Variants in ZNF777 observed in about 807,000 individuals in gnomAD.
ZNF777 encodes the protein zinc finger protein 777.
In ZNF777, 7 loss-of-function variants were observed where a neutral mutation model predicts 72.1. The observed-to-expected ratio is 0.10, with a 90% CI of 0.06 to 0.18. The LOEUF (loss-of-function observed/expected upper bound fraction) is 0.18. Among genes scored for constraint, ZNF777 ranks in the 10% least tolerant of loss-of-function variants. The pLI is 1.00. For missense variants in ZNF777, 828 were observed against 1,128.6 expected (o/e 0.73, Z 3.82); for synonymous variants, 545 against 483.5 (o/e 1.13, Z -1.67).
At chr7:149,456,108 A>G (rs1311117161) in intron 1 of ZNF777, 71 bp from the exon 2 acceptor site, 65 of 1,477,936 alleles carry the variant, frequency 4.4e-5, no homozygotes, top group Middle Eastern at 5.0e-4. Flanking sequence ...AAACCCAAAG[A>G]CAAGTATACA....
intron 4 of ZNF777, among the ~76,000 whole-genome samples, chr7:149,441,177 T>C (rs111470167): frequency 0.037 from 5,665 of 152,316 alleles, 259 homozygotes; most frequent in African/African-American, 0.099. Context: ...GCTGCATTCA[T>C]TTATAAGCAG....
intron 4 of ZNF777, among the ~76,000 whole-genome samples, chr7:149,440,976 G>A (rs977965339): frequency 7.9e-5 from 12 of 152,106 alleles, no homozygotes; most frequent in African/African-American, 2.9e-4. Context: ...ACGTAGCTGT[G>A]CTCCTCCCTG....
intron 3 of ZNF777, among the ~76,000 whole-genome samples, chr7:149,451,925 T>C (rs904157055): frequency 6.6e-6 from 1 of 152,162 alleles, no homozygotes; most frequent in African/African-American, 2.4e-5. Context: ...AAGCTATAAA[T>C]AGGTAATTCA....
intron 4 of ZNF777, among the ~76,000 whole-genome samples, chr7:149,438,027 C>T (rs1799447938): frequency 6.6e-6 from 1 of 151,690 alleles, no homozygotes; most frequent in African/African-American, 2.4e-5. Context: ...TTACAGGCAC[C>T]CGCCACCACA....
Position 149,432,434 on chromosome 7 carries a change from G to A in ZNF777, c.1838C>T (p.Pro613Leu), listed in dbSNP as rs1295833425. ...GGGACGCGGCTTGAGCGCGTGCTTGGGGTTGAACGTGGGCCCGCGTTCGGG... is the reference window on the plus strand; with the variant it reads ...GGGACGCGGCTTGAGCGCGTGCTTGAGGTTGAACGTGGGCCCGCGTTCGGG... Reference protein sequence around the residue: ...VSPERGPTFNPKHALKPRPKS... With the variant: ...VSPERGPTFNLKHALKPRPKS... Residue 613 changes from proline (P) to leucine (L), a missense_variant, in exon 6 of 6, where the codon CCC (proline) becomes CTC (leucine). Transcript: ENST00000247930. The A allele has an allele frequency of 6.2e-7, 1 of 1,613,350 alleles. No individual in the cohort carries two copies. The highest frequency in any genetic ancestry group is 1.3e-5 in the African/African-American group (1 of 74,938).
chr7:149,446,602 A>G (rs922600143), intron 4 of ZNF777, among the ~76,000 whole-genome samples: 1 of 152,054 alleles, frequency 6.6e-6, no homozygotes, highest in South Asian at 2.1e-4. Context: ...TGACCTCACT[A>G]TAGTTACATT....
chr7:149,435,011 G>A (rs1404472092), intron 5 of ZNF777, among the ~76,000 whole-genome samples: 5 of 152,166 alleles, frequency 3.3e-5, no homozygotes, highest in African/African-American at 4.8e-5. Flanking sequence ...AATGGGGACT[G>A]CTCAAAAGGC....
chr7:149,454,417 C>T (rs1799781835), intron 2 of ZNF777, among the ~76,000 whole-genome samples, 180 bp from the exon 3 acceptor site: 1 of 152,250 alleles, frequency 6.6e-6, no homozygotes, highest in Non-Finnish European at 1.5e-5. Context: ...TTTTCCTCCC[C>T]TTCAGGATAT....
Position 149,454,152 on chromosome 7 carries a change from T to C in ZNF777, c.932A>G (p.Lys311Arg). Residue 311 changes from lysine (K) to arginine (R), a missense_variant, in exon 3 of 6, where the codon AAG (lysine) becomes AGG (arginine). This residue lies in a region of ZNF777 where 73 missense variants were observed against 90.6 expected (regional missense o/e 0.81). Transcript: ENST00000247930. ...NLSEWQKELYKNVMRGNYESL... is the reference protein window; with the variant it reads ...NLSEWQKELYRNVMRGNYESL... ...CTCGTAGTTGCCCCTCATCACGTTCTTGTAGAGCTCCTTCTGCCACTCAGA... is the reference window on the plus strand; with the variant it reads ...CTCGTAGTTGCCCCTCATCACGTTCCTGTAGAGCTCCTTCTGCCACTCAGA... 2.5e-6 allele frequency: 4 copies of C among 1,614,234 alleles called. No homozygotes were observed. Among genetic ancestry groups the C allele is most frequent in the Non-Finnish European group, 3.4e-6 (4 of 1,180,034 alleles).
Position 149,432,199 on chromosome 7 carries a change from C to T in ZNF777, c.2073G>A (p.Glu691=), listed in dbSNP as rs763741828. Residue 691 remains glutamate (E), a synonymous_variant, in exon 6 of 6, where the codon GAG becomes GAA. Coordinates refer to ENST00000247930, the MANE Select transcript of ZNF777 (RefSeq NM_015694.3). Reference sequence around the variant, plus strand: ...CGCACAGGCTGCAGATGAAGGAGACCTCATGCTTGCCCGCGTGCACGCGCT... The same window carrying T: ...CGCACAGGCTGCAGATGAAGGAGACTTCATGCTTGCCCGCGTGCACGCGCT... ...IHQRVHAGKH[E]VSFICSLCGK... The T allele has an allele frequency of 6.2e-7, 1 of 1,605,564 alleles. No individual in the cohort carries two copies. Among genetic ancestry groups the T allele is most frequent in the East Asian group, 2.2e-5 (1 of 44,794 alleles).
At chr7:149,433,075 T>C in intron 5 of ZNF777, 143 bp from the exon 6 acceptor site, 2 of 1,299,246 alleles carry the variant, frequency 1.5e-6, no homozygotes, top group Non-Finnish European at 2.0e-6. Flanking sequence ...AGTCCCCTCA[T>C]TGCGTCCCCT....
At chr7:149,444,166 T>C (rs568191678) in intron 4 of ZNF777, among the ~76,000 whole-genome samples, 3 of 152,370 alleles carry the variant, frequency 2.0e-5, no homozygotes, top group South Asian at 2.1e-4. Context: ...TTTACCTCGC[T>C]AGATTATATC....
chr7:149,458,258 C>T (rs1032880054), intron 1 of ZNF777, among the ~76,000 whole-genome samples: 2 of 152,160 alleles, frequency 1.3e-5, no homozygotes, highest in African/African-American at 2.4e-5. Context: ...AACCTGCAGG[C>T]TCATCAACAG....
chr7:149,442,463 C>T (rs2116582622), intron 4 of ZNF777, among the ~76,000 whole-genome samples: 1 of 150,902 alleles, frequency 6.6e-6, no homozygotes, highest in East Asian at 2.0e-4. Context: ...ACTAAAAATA[C>T]AAAAAAATTA....
intron 4 of ZNF777, among the ~76,000 whole-genome samples, chr7:149,443,103 C>A (rs1799551668): frequency 6.6e-6 from 1 of 152,130 alleles, no homozygotes; most frequent in Admixed American, 6.5e-5. Flanking sequence ...TTATAATAAT[C>A]TTTACTGAGG....
At position 149,432,709 on chromosome 7, in the gene ZNF777, G is replaced by A. The variant is rs773292882; in HGVS notation, c.1563C>T (p.His521=). Residue 521 remains histidine (H), a synonymous_variant, in exon 6 of 6, where the codon CAC becomes CAT. Transcript: ENST00000247930. ...PAVKRLAPSV[H]GERHLSENRG... The stretch of plus-strand genomic sequence containing the variant: ...GGTTCTCGCTCAGGTGCCGCTCACC[G>A]TGCACGGAGGGCGCCAGCCTTTTCA... 1.7e-5 allele frequency: 28 copies of A among 1,612,230 alleles called. No individual in the cohort carries two copies. Among genetic ancestry groups the A allele is most frequent in the Non-Finnish European group, 2.3e-5 (27 of 1,179,206 alleles).
chr7:149,443,967 T>A (rs1459945438), intron 4 of ZNF777, among the ~76,000 whole-genome samples: 2 of 152,228 alleles, frequency 1.3e-5, no homozygotes, highest in Non-Finnish European at 2.9e-5. Context: ...ATCACTTCAA[T>A]GATTCCAGCT....
In ZNF777 at chr7:149,441,981, AACGTCAGGACAAACTCCTG is replaced by A. The variant is rs562125319; in HGVS notation, c.1088-5174_1088-5156del. On this transcript the variant is annotated intron_variant, in intron 4 of 5. Transcript: ENST00000247930. ...CCCAGATTGGGAGGCTGAGGCGGGT[AACGTCAGGACAAACTCCTG>A]ACGTCAGGAGTTCGAGACCAGCCTG... Among the ~76,000 whole-genome samples, 59 of 151,588 alleles carry A rather than the reference AACGTCAGGACAAACTCCTG, an allele frequency of 3.9e-4. 2 individuals carry two copies. In the South Asian group the frequency reaches 0.011, roughly 28 times the overall value.
At chr7:149,441,597 A>AACTT (rs10656067) in intron 4 of ZNF777, among the ~76,000 whole-genome samples, 5,640 of 152,274 alleles carry the variant, frequency 0.037, 256 homozygotes, top group African/African-American at 0.099. Context: ...GGCTATAAGA[A>AACTT]ACTTATTTAA....
Sources: allele counts gnomAD v4.1 joint callset (sites outside exome capture counted in the v4.1 genomes callset), GRCh38; gene constraint gnomAD v4.1.1; regional missense constraint gnomAD v4.1.1; transcripts MANE v1.5; gene names NCBI Gene and HGNC (gene_info 2026-07-23, HGNC 2026-07-21).